The following FBXO25 variants were observed in gnomAD, a reference collection of about 807,000 sequenced individuals.
The protein encoded by FBXO25 is F-box only protein 25.
FBXO25 carries 45 observed loss-of-function variants against 51.9 expected under a neutral mutation model. That is an observed-to-expected ratio of 0.87 (90% CI 0.68 to 1.11). The LOEUF (loss-of-function observed/expected upper bound fraction) is 1.11, where lower values mean the gene tolerates loss of function less well. Among genes scored for constraint, FBXO25 ranks in the 50% most tolerant of loss-of-function variants. The pLI, the probability that FBXO25 is intolerant of heterozygous loss-of-function variation, is 0.00. For synonymous variants in FBXO25, 199 were observed against 151.0 expected, an observed-to-expected ratio of 1.32 and a Z score of -2.33; for missense variants, 507 against 428.5, an observed-to-expected ratio of 1.18 and a Z score of -1.62.
intron 5 of FBXO25, among the ~76,000 whole-genome samples, chr8:443,838 TA>T (rs1798576060): frequency 6.6e-6 from 1 of 152,078 alleles, no homozygotes; most frequent in Non-Finnish European, 1.5e-5. Context: ...TAAAAGACAA[TA>T]AACTTGAGAA....
At chr8:426,676 C>T (rs1342017194) in intron 2 of FBXO25, among the ~76,000 whole-genome samples, 1 of 151,490 alleles carries the variant, frequency 6.6e-6, no homozygotes, top group Middle Eastern at 3.4e-3. Flanking sequence ...GACTTTCTGG[C>T]ACAGCCCTTC....
intron 2 of FBXO25, among the ~76,000 whole-genome samples, chr8:413,998 T>C (rs1796646636): frequency 6.6e-6 from 1 of 152,202 alleles, no homozygotes; most frequent in Non-Finnish European, 1.5e-5. Context: ...TCCTCTAGAA[T>C]GTCATGGGTC....
At chr8:427,694 G>A (rs1797578483) in intron 2 of FBXO25, among the ~76,000 whole-genome samples, 1 of 149,320 alleles carries the variant, frequency 6.7e-6, no homozygotes, top group African/African-American at 2.5e-5. Context: ...TTTATTATGT[G>A]TAGTATAGTA....
At chr8:464,019 G>T (rs1032593443) in intron 9 of FBXO25, among the ~76,000 whole-genome samples, 1 of 152,106 alleles carries the variant, frequency 6.6e-6, no homozygotes, top group Non-Finnish European at 1.5e-5. Context: ...AGGCAGTTAT[G>T]GGTGCAGTGG....
At chr8:428,654 A>G (rs761914530) in intron 2 of FBXO25, among the ~76,000 whole-genome samples, 2 of 152,208 alleles carry the variant, frequency 1.3e-5, no homozygotes, top group African/African-American at 2.4e-5. Flanking sequence ...GAACTTTTAC[A>G]TCTTCCCAAA....
intron 7 of FBXO25, 151 bp from the exon 8 acceptor site, chr8:458,218 C>T (rs185009445): frequency 1.3e-5 from 10 of 789,886 alleles, no homozygotes; most frequent in East Asian, 2.7e-5. Flanking sequence ...GTGGTGGATG[C>T]AGGCCCCTTG....
intron 9 of FBXO25, among the ~76,000 whole-genome samples, chr8:463,811 T>G (rs1362145872): frequency 2.0e-5 from 3 of 152,096 alleles, no homozygotes; most frequent in Non-Finnish European, 2.9e-5. Context: ...GCTTATTTCT[T>G]TGTTGTCTTT....
At chr8:450,529 C>G (rs1489959259) in intron 6 of FBXO25, among the ~76,000 whole-genome samples, 2 of 152,160 alleles carry the variant, frequency 1.3e-5, no homozygotes, top group Non-Finnish European at 2.9e-5. Context: ...TGACTTTATA[C>G]ATGCATAGGA....
rs529853735 is a variant in FBXO25, at chr8:461,901, G to C, written c.844-1106G>C. 2.6e-5 allele frequency among the ~76,000 whole-genome samples: 4 copies of C among 152,268 alleles called. No homozygotes were observed. In the East Asian group the frequency reaches 5.8e-4, roughly 22 times the overall value. On this transcript the variant is annotated intron_variant, in intron 8 of 9. Coordinates refer to ENST00000350302, the MANE Select transcript of FBXO25 (RefSeq NM_183420.2). ...CTTTTTGTTTATCCATTCATCAGTT[G>C]ATTGACATTTAGTTTGTTTGATAAA...
intron 8 of FBXO25, among the ~76,000 whole-genome samples, chr8:459,548 A>T (rs546623565): frequency 2.0e-5 from 3 of 152,332 alleles, no homozygotes; most frequent in Admixed American, 6.5e-5. Context: ...TGGAGTGGAT[A>T]CAAGAGGATC....
chr8:433,576 C>G (rs1408328630), intron 4 of FBXO25, among the ~76,000 whole-genome samples: 1 of 152,132 alleles, frequency 6.6e-6, no homozygotes, highest in Admixed American at 6.5e-5. Context: ...TGGGCTAAAG[C>G]TTTTTCATGA....
chr8:458,549 C>A lies in FBXO25; in HGVS notation c.841C>A (p.Gln281Lys), dbSNP rs1255197271. 2 of 1,613,728 alleles carry A rather than the reference C, an allele frequency of 1.2e-6. No homozygotes were observed. The highest frequency in any genetic ancestry group is 3.3e-5 in the Admixed American group (2 of 59,996). Residue 281 changes from glutamine (Q) to lysine (K), a missense_variant and splice_region_variant, in exon 8 of 10, where the codon CAG becomes AAG. By Grantham distance (53) the Gln-to-Lys change is moderately conservative. Transcript: ENST00000350302. Reference protein sequence around the residue: ...KLCQYHFAEKQFCRHLILSEK... With the variant: ...KLCQYHFAEKKFCRHLILSEK... ...TTGTCAGTACCATTTTGCTGAAAAGCAGGTGAGTGGGATGCAGCAGTCTCC... is the reference window on the plus strand; with the variant it reads ...TTGTCAGTACCATTTTGCTGAAAAGAAGGTGAGTGGGATGCAGCAGTCTCC...
At chr8:422,224 A>T (rs1340116541) in intron 2 of FBXO25, among the ~76,000 whole-genome samples, 1 of 152,222 alleles carries the variant, frequency 6.6e-6, no homozygotes, top group Non-Finnish European at 1.5e-5. Context: ...CACTGCCCCA[A>T]CCAAGAACTC....
chr8:475,175 G>A lies in FBXO25; in HGVS notation c.*6371G>A. 3.0e-6 allele frequency: 1 copy of A among 334,730 alleles called. No individual in the cohort carries two copies. The highest frequency in any genetic ancestry group is 2.5e-5 in the South Asian group (1 of 40,424). The allele number at this position is 334,730 out of a possible 1,614,324, so 20.7% of individuals were successfully genotyped here. A position where few individuals can be genotyped will look rare whatever the true frequency, so the allele number is the denominator to read the frequency against. ...TCTAGCTTCATGTGGATGTCCACTT[G>A]TCTAGCACCATTTGTTGAAAAGACT... On this transcript the variant is annotated 3_prime_UTR_variant, in exon 10 of 10. Transcript: ENST00000350302.
intron 2 of FBXO25, among the ~76,000 whole-genome samples, chr8:425,005 A>C (rs1313255009): frequency 6.6e-6 from 1 of 152,214 alleles, no homozygotes; most frequent in African/African-American, 2.4e-5. Flanking sequence ...AACTTACTGC[A>C]AAGAGTTTTA....
Position 414,491 on chromosome 8 carries a change from G to A in FBXO25, c.134+1278G>A, listed in dbSNP as rs189888032. On this transcript the variant is annotated intron_variant, in intron 2 of 9. Coordinates refer to ENST00000350302, the MANE Select transcript of FBXO25 (RefSeq NM_183420.2). ...TTTAAAAAAAGCTGTAATGCTTGAAGTGCAGTGTTACTGCTGCATCTGCGG... is the reference window on the plus strand; with the variant it reads ...TTTAAAAAAAGCTGTAATGCTTGAAATGCAGTGTTACTGCTGCATCTGCGG... Among the ~76,000 whole-genome samples the A allele has an allele frequency of 3.5e-4, 54 of 152,272 alleles. No homozygotes were observed. In the East Asian group the frequency reaches 8.9e-3, roughly 25 times the overall value.
At chr8:423,740 G>A (rs191569033) in intron 2 of FBXO25, among the ~76,000 whole-genome samples, 2 of 152,314 alleles carry the variant, frequency 1.3e-5, no homozygotes, top group African/African-American at 4.8e-5. Flanking sequence ...TGTTAATAGT[G>A]CAGCGATGAA....
chr8:449,989 G>T lies in FBXO25; in HGVS notation c.382-1G>T. The T allele has an allele frequency of 6.2e-7, 1 of 1,605,346 alleles. No individual in the cohort carries two copies. The highest frequency in any genetic ancestry group is 8.5e-7 in the Non-Finnish European group (1 of 1,174,912). On this transcript the variant is annotated splice_acceptor_variant, in intron 5 of 9. Transcript: ENST00000350302. LOFTEE classifies it high-confidence loss of function. Reference sequence around the variant, plus strand: ...CAGCTTTTTTCCGTCTTTCCTTTAAGCTGTTGCAGCTAATTGCAAAATCCC... The same window carrying T: ...CAGCTTTTTTCCGTCTTTCCTTTAATCTGTTGCAGCTAATTGCAAAATCCC...
At chr8:443,434 G>A (rs1469271887) in intron 5 of FBXO25, among the ~76,000 whole-genome samples, 8 of 151,734 alleles carry the variant, frequency 5.3e-5, no homozygotes, top group Admixed American at 1.3e-4. Flanking sequence ...AAAATTATAA[G>A]TTGTGTAACA....
Sources: allele counts gnomAD v4.1 joint callset (sites outside exome capture counted in the v4.1 genomes callset), GRCh38; gene constraint gnomAD v4.1.1; transcripts MANE v1.5; gene names NCBI Gene and HGNC (gene_info 2026-07-23, HGNC 2026-07-21).